Variants in SBF2 observed in about 807,000 individuals in gnomAD.
SBF2 encodes the protein SET binding factor 2, also known as myotubularin-related protein 13.
In SBF2, 112 loss-of-function variants were observed where a neutral mutation model predicts 225.2. The observed-to-expected ratio is 0.50, with a 90% CI of 0.43 to 0.58. The LOEUF (loss-of-function observed/expected upper bound fraction) is 0.58. Ranked by LOEUF, SBF2 falls within the 20% of genes least tolerant of loss-of-function variation. The pLI is 0.00. For synonymous variants in SBF2, 763 were observed against 773.3 expected, an observed-to-expected ratio of 0.99 and a Z score of 0.22; for missense variants, 1,996 against 2,206.2, an observed-to-expected ratio of 0.90 and a Z score of 1.91.
rs866867543 is a variant in SBF2 at position 10,052,593 on chromosome 11, G to A, written c.142-9612C>T. ...ATATGTTAATGCATTACAAACACCC[G>A]CTTTGTTTACTTGCTTGTTTGTTTA... On this transcript the variant is annotated intron_variant, in intron 2 of 39. Transcript: ENST00000256190. 5.3e-5 allele frequency among the ~76,000 whole-genome samples: 8 copies of A among 152,232 alleles called. No individual in the cohort carries two copies. The South Asian group carries it at 8.3e-4, about 16-fold the overall frequency.
intron 1 of SBF2, among the ~76,000 whole-genome samples, chr11:10,300,821 T>C (rs866545590): frequency 2.6e-5 from 4 of 151,746 alleles, no homozygotes; most frequent in Middle Eastern, 6.3e-3. Context: ...CTTTTTTTTT[T>C]TTTTTCTTTG....
intron 37 of SBF2, 38 bp downstream of exon 37, chr11:9,785,087 G>A (rs747730044): frequency 6.3e-7 from 1 of 1,588,132 alleles, no homozygotes; most frequent in Non-Finnish European, 8.6e-7. Context: ...GTGCTGTGGG[G>A]AAGTCTTCAG....
chr11:9,982,960 G>A (rs1171952085), intron 13 of SBF2, among the ~76,000 whole-genome samples: 1 of 152,136 alleles, frequency 6.6e-6, no homozygotes, highest in Non-Finnish European at 1.5e-5. Context: ...ATTCCTGCCT[G>A]GCACCACAGG....
chr11:9,901,727 T>C (rs948587198), intron 16 of SBF2, among the ~76,000 whole-genome samples: 1 of 152,174 alleles, frequency 6.6e-6, no homozygotes, highest in Admixed American at 6.5e-5. Flanking sequence ...TCACTGCAGC[T>C]GCGACCTCCT....
intron 17 of SBF2, among the ~76,000 whole-genome samples, chr11:9,887,488 A>G (rs1860431864): frequency 6.6e-6 from 1 of 152,162 alleles, no homozygotes; most frequent in Non-Finnish European, 1.5e-5. Flanking sequence ...AAGTGGGAGA[A>G]GCCAGGAGAG....
intron 27 of SBF2, among the ~76,000 whole-genome samples, chr11:9,830,514 C>T (rs1157872863): frequency 1.3e-5 from 2 of 152,060 alleles, no homozygotes; most frequent in Non-Finnish European, 2.9e-5. Context: ...CTGAGGCAGG[C>T]AGATCACCTG....
At chr11:9,850,312 G>T in intron 21 of SBF2, 94 bp from the exon 22 acceptor site, 1 of 1,136,994 alleles carries the variant, frequency 8.8e-7, no homozygotes, top group Non-Finnish European at 1.3e-6. Flanking sequence ...CTAGAATACA[G>T]TAGTGCAATC....
intron 32 of SBF2, among the ~76,000 whole-genome samples, chr11:9,797,388 A>G (rs1853187068): frequency 6.6e-6 from 1 of 152,244 alleles, no homozygotes; most frequent in Admixed American, 6.5e-5. Flanking sequence ...GTAATGTAAA[A>G]TAAAATGGAT....
At chr11:10,040,079 A>G (rs143702398) in intron 3 of SBF2, among the ~76,000 whole-genome samples, 2 of 152,152 alleles carry the variant, frequency 1.3e-5, no homozygotes, top group African/African-American at 4.8e-5. Flanking sequence ...CAGAATCAAA[A>G]TTGCTATAGG....
At chr11:9,867,518 C>T (rs1858332029) in intron 17 of SBF2, among the ~76,000 whole-genome samples, 1 of 152,032 alleles carries the variant, frequency 6.6e-6, no homozygotes, top group African/African-American at 2.4e-5. Flanking sequence ...TCTACCATAC[C>T]ACTGCTGGAT....
chr11:9,807,916 G>C, intron 32 of SBF2, 84 bp downstream of exon 32: 1 of 1,204,352 alleles, frequency 8.3e-7, no homozygotes, highest in South Asian at 1.3e-5. Context: ...GAAGGTACCG[G>C]GCACACCATC....
At chr11:9,891,759 C>G (rs1438767332) in intron 17 of SBF2, among the ~76,000 whole-genome samples, 1 of 152,190 alleles carries the variant, frequency 6.6e-6, no homozygotes, top group Non-Finnish European at 1.5e-5. Context: ...TAAGAAGGAA[C>G]TGTAGGCTTA....
intron 32 of SBF2, among the ~76,000 whole-genome samples, chr11:9,806,644 C>T (rs1196383067): frequency 6.6e-6 from 1 of 152,184 alleles, no homozygotes; most frequent in African/African-American, 2.4e-5. Context: ...TTGTGACCAG[C>T]TCCTCCAGTT....
At chr11:9,999,131 G>C (rs1947833795) in intron 8 of SBF2, among the ~76,000 whole-genome samples, 1 of 152,102 alleles carries the variant, frequency 6.6e-6, no homozygotes, top group African/African-American at 2.4e-5. Flanking sequence ...CAAGATGAGT[G>C]AAGTTGTTAT....
At chr11:9,807,790 C>G (rs1564872147) in intron 32 of SBF2, 1 of 598,960 alleles carries the variant, frequency 1.7e-6, no homozygotes, top group South Asian at 1.9e-5. Flanking sequence ...AGCCCAACAG[C>G]CAGCTTAGCT....
chr11:9,915,215 G>A (rs1388653917), intron 16 of SBF2, among the ~76,000 whole-genome samples: 1 of 151,824 alleles, frequency 6.6e-6, no homozygotes, highest in Non-Finnish European at 1.5e-5. Context: ...TTGGGAGGCC[G>A]AGGCGGGCAG....
intron 17 of SBF2, among the ~76,000 whole-genome samples, chr11:9,872,981 T>C (rs778063002): frequency 5.3e-5 from 8 of 151,800 alleles, no homozygotes; most frequent in Non-Finnish European, 1.0e-4. Flanking sequence ...ATATATGCCA[T>C]AGATCATGAG....
Position 10,281,654 on chromosome 11 carries a change from T to G in SBF2, c.55+12361A>C, listed in dbSNP as rs369550475. Among the ~76,000 whole-genome samples the G allele has an allele frequency of 2.1e-4, 32 of 152,302 alleles. No homozygotes were observed. In the South Asian group the frequency reaches 6.2e-3, roughly 30 times the overall value. On this transcript the variant is annotated intron_variant, in intron 1 of 39. Transcript: ENST00000256190. Reference sequence around the variant, plus strand: ...CTTGGTTCTCGGTACTTTATTCTTCTGTCTCTATGCCAACTTCTTGGGAAC... The same window carrying G: ...CTTGGTTCTCGGTACTTTATTCTTCGGTCTCTATGCCAACTTCTTGGGAAC...
At chr11:10,023,545 G>A (rs537256945) in intron 6 of SBF2, among the ~76,000 whole-genome samples, 2 of 152,032 alleles carry the variant, frequency 1.3e-5, no homozygotes, top group African/African-American at 2.4e-5. Flanking sequence ...CCTATCCCTC[G>A]AGCCCCTTAT....
Sources: gnomAD v4.1 joint callset for allele counts (sites outside exome capture counted in the v4.1 genomes callset) on GRCh38, gnomAD v4.1.1 for gene constraint, MANE v1.5 for transcripts, NCBI Gene and HGNC (gene_info 2026-07-23, HGNC 2026-07-21) for gene names.